The following SHC4 variants were observed in gnomAD, a reference collection of about 807,000 sequenced individuals.
SHC4 encodes SHC-transforming protein 4.
SHC4 carries 41 observed loss-of-function variants against 69.4 expected under a neutral mutation model. That is an observed-to-expected ratio of 0.59 (90% CI 0.46 to 0.77). The LOEUF is 0.77. Among genes scored for constraint, SHC4 ranks in the 30% least tolerant of loss-of-function variants. SHC4 has a pLI of 0.00. For synonymous variants in SHC4, 318 were observed against 299.3 expected, an observed-to-expected ratio of 1.06 and a Z score of -0.64; for missense variants, 777 against 783.8, an observed-to-expected ratio of 0.99 and a Z score of 0.10.
chr15:48,915,598 G>C (rs555927517), intron 2 of SHC4, among the ~76,000 whole-genome samples: 1 of 152,194 alleles, frequency 6.6e-6, no homozygotes. Flanking sequence ...GCTGAGGGGA[G>C]ATCAACTTTG....
chr15:48,923,126 G>C (rs1221302162), intron 2 of SHC4, among the ~76,000 whole-genome samples: 1 of 152,212 alleles, frequency 6.6e-6, no homozygotes, highest in Non-Finnish European at 1.5e-5. Flanking sequence ...GAGAGGTTTG[G>C]AAAGGCAGAT....
chr15:48,957,637 A>G (rs1047126495), intron 1 of SHC4, among the ~76,000 whole-genome samples: 3 of 152,212 alleles, frequency 2.0e-5, no homozygotes, highest in African/African-American at 7.2e-5. Flanking sequence ...AAGAAGGCCC[A>G]TGTGAGCAAA....
intron 2 of SHC4, among the ~76,000 whole-genome samples, chr15:48,897,350 AC>A (rs1900241288): frequency 6.6e-6 from 1 of 152,158 alleles, no homozygotes; most frequent in African/African-American, 2.4e-5. Flanking sequence ...ACGCCATAAG[AC>A]CAAAAAAAGA....
chr15:48,862,452 T>C (rs1899465012), intron 6 of SHC4, among the ~76,000 whole-genome samples: 1 of 152,134 alleles, frequency 6.6e-6, no homozygotes, highest in Non-Finnish European at 1.5e-5. Context: ...AGGCCTTTGA[T>C]AAAATGAAGA....
intron 11 of SHC4, 100 bp from the exon 12 acceptor site, chr15:48,826,226 G>A (rs1803836316): frequency 1.9e-6 from 2 of 1,066,706 alleles, no homozygotes; most frequent in South Asian, 3.9e-5. Context: ...CCCTAAAGTA[G>A]ATACTTTGCT....
rs188810693 is a variant in SHC4 at position 48,937,420 on chromosome 15, G to A, written c.586-12471C>T. Among the ~76,000 whole-genome samples the A allele has an allele frequency of 1.4e-4, 21 of 152,130 alleles. No individual in the cohort carries two copies. In the East Asian group the frequency reaches 3.7e-3, roughly 27 times the overall value. On this transcript the variant is annotated intron_variant, in intron 1 of 11. Transcript: ENST00000332408. Reference sequence around the variant, plus strand: ...CTCAGAGGTTCAATGCTGTGCTCAAGAGTCACAGGGCTGATTAATGGAGAA... The same window carrying A: ...CTCAGAGGTTCAATGCTGTGCTCAAAAGTCACAGGGCTGATTAATGGAGAA...
intron 10 of SHC4, among the ~76,000 whole-genome samples, chr15:48,840,492 C>CT (rs1045410593): frequency 2.6e-4 from 40 of 150,982 alleles, no homozygotes; most frequent in African/African-American, 7.0e-4. Context: ...TTATCAAAAG[C>CT]TTTTTTTTTC....
intron 2 of SHC4, among the ~76,000 whole-genome samples, chr15:48,895,439 AGT>A (rs1900206284): frequency 6.6e-6 from 1 of 152,076 alleles, no homozygotes; most frequent in African/African-American, 2.4e-5. Context: ...CCCCTAACAT[AGT>A]GAGGCGCAGC....
At chr15:48,875,626 T>C (rs1899783330) in intron 4 of SHC4, among the ~76,000 whole-genome samples, 1 of 152,238 alleles carries the variant, frequency 6.6e-6, no homozygotes, top group Non-Finnish European at 1.5e-5. Context: ...AATGAGGATA[T>C]GCTATATGCA....
intron 1 of SHC4, among the ~76,000 whole-genome samples, chr15:48,961,640 C>T (rs1901548083): frequency 1.3e-5 from 2 of 152,192 alleles, no homozygotes; most frequent in Non-Finnish European, 2.9e-5. Flanking sequence ...TTTCTGAATT[C>T]CCTCAGCATT....
chr15:48,855,153 CA>C (rs1341512383), intron 8 of SHC4, among the ~76,000 whole-genome samples: 3 of 151,352 alleles, frequency 2.0e-5, no homozygotes, highest in African/African-American at 7.3e-5. Flanking sequence ...CCCTTGTTAA[CA>C]AACCTACACA....
In SHC4 at chr15:48,826,043, AGAG is replaced by A. The variant is rs1309224977; in HGVS notation, c.1818_1820del (p.Ser607del). ...GTTGTTTAAGGCTTACTTCGCTTCC[AGAG>A]GAGATGATTGGCAAACTGTTATCCA... is the stretch of plus-strand genomic sequence containing the variant. On this transcript the variant is annotated inframe_deletion, in exon 12 of 12. Transcript: ENST00000332408. 4 of 1,613,938 alleles carry A rather than the reference AGAG, an allele frequency of 2.5e-6. No homozygotes were observed. The African/African-American group carries it at 4.0e-5, about 16-fold the overall frequency.
intron 4 of SHC4, among the ~76,000 whole-genome samples, chr15:48,873,990 A>G (rs1047639203): frequency 6.6e-6 from 1 of 152,212 alleles, no homozygotes; most frequent in Non-Finnish European, 1.5e-5. Flanking sequence ...TCCAATAAAA[A>G]TGCTTCTAAA....
intron 4 of SHC4, among the ~76,000 whole-genome samples, chr15:48,874,284 T>A (rs1454618630): frequency 6.6e-6 from 1 of 152,158 alleles, no homozygotes; most frequent in Non-Finnish European, 1.5e-5. Context: ...TAGTCTATGA[T>A]AAATCTGACA....
In SHC4 at chr15:48,834,827, A is replaced by G. The variant is rs1193145444; in HGVS notation, c.1679T>C (p.Leu560Pro). The G allele has an allele frequency of 6.2e-7, 1 of 1,614,170 alleles. No homozygotes were observed. ...ESATSPGQYV[L>P]SGLQGGQAKH... ...TGCTTGGCCTCCCTGTAGTCCACTC[A>G]GCACATATTGGCCAGGGGATGTTGC... Residue 560 changes from leucine (L) to proline (P), a missense_variant, in exon 11 of 12, where the codon CTG (leucine) becomes CCG (proline). By Grantham distance (98) the Leu-to-Pro change is moderately conservative. Transcript: ENST00000332408.
At chr15:48,826,651 T>C (rs538301157) in intron 11 of SHC4, among the ~76,000 whole-genome samples, 1 of 152,328 alleles carries the variant, frequency 6.6e-6, no homozygotes, top group African/African-American at 2.4e-5. Flanking sequence ...AATCAGCCTC[T>C]TTGCAGTATT....
chr15:48,934,517 A>G (rs1002979979), intron 1 of SHC4, among the ~76,000 whole-genome samples: 1 of 152,188 alleles, frequency 6.6e-6, no homozygotes, highest in Non-Finnish European at 1.5e-5. Flanking sequence ...TGGTAACACC[A>G]CTAGGGGAAA....
intron 8 of SHC4, among the ~76,000 whole-genome samples, chr15:48,855,681 A>G (rs1424002406): frequency 1.3e-5 from 2 of 152,074 alleles, no homozygotes; most frequent in Non-Finnish European, 2.9e-5. Flanking sequence ...GCAGACTTAG[A>G]GCTGTGGAGG....
intron 2 of SHC4, among the ~76,000 whole-genome samples, chr15:48,911,407 T>A (rs1241355722): frequency 6.6e-6 from 1 of 152,184 alleles, no homozygotes; most frequent in Non-Finnish European, 1.5e-5. Context: ...TGGCATCCAT[T>A]TGCATGAAAT....
Sources: gnomAD v4.1 joint callset for allele counts (sites outside exome capture counted in the v4.1 genomes callset) on GRCh38, gnomAD v4.1.1 for gene constraint, MANE v1.5 for transcripts, NCBI Gene and HGNC (gene_info 2026-07-23, HGNC 2026-07-21) for gene names.